Variants in NDP observed in about 807,000 individuals in gnomAD.
The protein encoded by NDP is norrin cystine knot growth factor NDP, also known as norrin.
Under a neutral mutation model 8.4 loss-of-function variants are expected in NDP, and 2 were observed. The ratio of observed to expected loss-of-function variants is 0.24; its 90% CI spans 0.10 to 0.75. The LOEUF is 0.75. NDP is among the 30% of genes least tolerant of loss of function. The pLI is 0.73. For synonymous variants in NDP, 55 were observed against 45.6 expected, an observed-to-expected ratio of 1.21 and a Z score of -0.83; for missense variants, 81 against 110.1, an observed-to-expected ratio of 0.74 and a Z score of 1.18.
In NDP at chrX:43,958,642, T is replaced by C; in HGVS notation, c.4A>G (p.Arg2Gly). The change falls in exon 2 of 3, where the codon AGA (arginine) becomes GGA (glycine). Residue 2 changes from arginine to glycine, a missense_variant. Arg to Gly is a moderately radical substitution (Grantham distance 125). Coordinates refer to ENST00000642620, the MANE Select transcript of NDP (RefSeq NM_000266.4). M[R>G]KHVLAASFSM... is the part of the protein sequence containing the mutation. ...AAGGATGCAGCTAGTACATGTTTTC[T>C]CATTGTTGTAAGGAAAAACTTCTCT... is the stretch of plus-strand genomic sequence containing the variant. 1 of 1,210,740 alleles carries C rather than the reference T, an allele frequency of 8.3e-7. No homozygotes were observed. Among genetic ancestry groups the C allele is most frequent in the Non-Finnish European group, 1.1e-6 (1 of 894,581 alleles).
chrX:43,972,470 G>A (rs2035896061), intron 1 of NDP, among the ~76,000 whole-genome samples: 1 of 111,491 alleles, frequency 9.0e-6, no homozygotes, highest in Non-Finnish European at 1.9e-5. Flanking sequence ...TATCCCGCAG[G>A]TAGGAGTCAT....
Position 43,959,918 on chromosome X carries a change from C to T in NDP, c.-207-1066G>A, listed in dbSNP as rs2035817062. Among the ~76,000 whole-genome samples the T allele has an allele frequency of 4.4e-5, 5 of 112,670 alleles. No homozygotes were observed. The South Asian group carries it at 1.1e-3, about 24-fold the overall frequency. On this transcript the variant is annotated intron_variant, in intron 1 of 2. Coordinates refer to ENST00000642620, the MANE Select transcript of NDP (RefSeq NM_000266.4). ...TGTTCATAGGCAACATTTTCCTTAA[C>T]TTCCTACTCATGAACAGTCTGAATA...
In NDP at chrX:43,957,688, AC is replaced by A. The variant is rs1166896516; in HGVS notation, c.174+783del. 3.7e-5 allele frequency among the ~76,000 whole-genome samples: 4 copies of A among 108,625 alleles called. No homozygotes were observed. In the South Asian group the frequency reaches 1.2e-3, roughly 33 times the overall value. 94.3% of individuals were successfully genotyped at this position (108,625 alleles called of 115,157 possible). The stretch of plus-strand genomic sequence containing the variant: ...ATGTTTAAGTGATTTTCATCTCAAA[AC>A]TAAATGTAAAAATCTCTGAGGTTGG... On this transcript the variant is annotated intron_variant, in intron 2 of 2. Transcript: ENST00000642620.
chrX:43,964,074 G>A (rs1343616251), intron 1 of NDP, among the ~76,000 whole-genome samples: 1 of 111,819 alleles, frequency 8.9e-6, no homozygotes, highest in South Asian at 3.7e-4. Context: ...CCAGTGCAGG[G>A]GTGGTGGGGG....
At chrX:43,951,310 G>A (rs1346794852) in intron 2 of NDP, among the ~76,000 whole-genome samples, 2 of 110,310 alleles carry the variant, frequency 1.8e-5, no homozygotes, top group African/African-American at 3.3e-5. Flanking sequence ...AGCTACTTTG[G>A]CAGCTGAGGC....
At chrX:43,969,157 C>CAGAA (rs751138929) in intron 1 of NDP, among the ~76,000 whole-genome samples, 3,622 of 111,454 alleles carry the variant, frequency 0.032, 186 homozygotes, top group African/African-American at 0.11. Flanking sequence ...TCTTAAGAGA[C>CAGAA]AGAAAGAAAG....
At chrX:43,965,224 G>A (rs756228489) in intron 1 of NDP, among the ~76,000 whole-genome samples, 31 of 110,972 alleles carry the variant, frequency 2.8e-4, no homozygotes, top group African/African-American at 1.0e-3. Flanking sequence ...AGATCATCCT[G>A]GGTAACACAG....
intron 2 of NDP, among the ~76,000 whole-genome samples, chrX:43,951,949 G>T (rs1021522129): frequency 8.9e-6 from 1 of 112,158 alleles, no homozygotes; most frequent in African/African-American, 3.2e-5. Context: ...ATTTTGACAG[G>T]CAAAGTAAAC....
chrX:43,951,917 G>C (rs1238253452), intron 2 of NDP, among the ~76,000 whole-genome samples: 1 of 112,439 alleles, frequency 8.9e-6, no homozygotes, highest in East Asian at 2.8e-4. Context: ...TAAAGCTTTT[G>C]ATTCTATCCT....
intron 1 of NDP, among the ~76,000 whole-genome samples, chrX:43,963,387 T>C: frequency 9.0e-6 from 1 of 111,656 alleles, no homozygotes; most frequent in Non-Finnish European, 1.9e-5. Flanking sequence ...ATCTAATTTG[T>C]ATCCAGTATT....
intron 2 of NDP, among the ~76,000 whole-genome samples, chrX:43,957,150 G>C (rs1244193165): frequency 1.8e-5 from 2 of 111,863 alleles, no homozygotes; most frequent in Admixed American, 9.5e-5. Flanking sequence ...TATTCATGCT[G>C]TCTGTTTCTG....
chrX:43,971,022 G>A (rs2035888473), intron 1 of NDP, among the ~76,000 whole-genome samples: 1 of 112,037 alleles, frequency 8.9e-6, no homozygotes, highest in Non-Finnish European at 1.9e-5. Flanking sequence ...TGATGAGTGA[G>A]AATCATTTCA....
Position 43,950,042 on chromosome X carries a change from G to A in NDP, c.175-16C>T. 5 of 1,172,787 alleles carry A rather than the reference G, an allele frequency of 4.3e-6. No individual in the cohort carries two copies. The highest frequency in any genetic ancestry group is 5.8e-6 in the Non-Finnish European group (5 of 869,529). ...GGAGCACCATCTGGGGAAAGAAAAG[G>A]AGGTGGTTACTCTGTGGGCATGCCA... is the stretch of plus-strand genomic sequence containing the variant. On this transcript the variant is annotated splice_polypyrimidine_tract_variant and intron_variant, in intron 2 of 2. Coordinates refer to ENST00000642620, the MANE Select transcript of NDP (RefSeq NM_000266.4).
At position 43,948,857 on chromosome X, in the gene NDP, A is replaced by C. The variant is rs1217166778; in HGVS notation, c.*942T>G. ...CAGGACCAAAACACATTTGAACCAA[A>C]CGTTCAGAAGACAAGCCAGGCCACC... On this transcript the variant is annotated 3_prime_UTR_variant, in exon 3 of 3. Coordinates refer to ENST00000642620, the MANE Select transcript of NDP (RefSeq NM_000266.4). 1.8e-5 allele frequency: 2 copies of C among 112,123 alleles called. No homozygotes were observed. The highest frequency in any genetic ancestry group is 6.5e-5 in the African/African-American group (2 of 30,840). The allele number at this position is 112,123 out of a possible 1,213,427, so 9.2% of individuals were successfully genotyped here. A position where few individuals can be genotyped will look rare whatever the true frequency, so the allele number is the denominator to read the frequency against.
chrX:43,950,772 G>A (rs1437787335), intron 2 of NDP, among the ~76,000 whole-genome samples: 1 of 111,904 alleles, frequency 8.9e-6, no homozygotes, highest in Non-Finnish European at 1.9e-5. Context: ...CTGGAATAAC[G>A]GAGGCTATGT....
chrX:43,967,160 CTA>C (rs1261493976), intron 1 of NDP, among the ~76,000 whole-genome samples: 1 of 111,201 alleles, frequency 9.0e-6, no homozygotes, highest in African/African-American at 3.3e-5. Context: ...GCAGCTATGT[CTA>C]TGTCTTTTGA....
rs1357577191 is a variant in NDP, at chrX:43,950,212, C to A, written c.175-186G>T. 3.3e-5 allele frequency: 15 copies of A among 457,183 alleles called. No homozygotes were observed. In the African/African-American group the frequency reaches 3.7e-4, roughly 11 times the overall value. The allele number at this position is 457,183 out of a possible 1,213,427, so 37.7% of individuals were successfully genotyped here. On this transcript the variant is annotated intron_variant, in intron 2 of 2. Transcript: ENST00000642620. ...TCATTCAGATCGATTGAATTAAAAT[C>A]CTTGGAGATAGGGACCAGGCTTTCA... is the stretch of plus-strand genomic sequence containing the variant.
At chrX:43,953,252 T>G (rs2035773014) in intron 2 of NDP, 1 of 111,947 alleles carries the variant, frequency 8.9e-6, no homozygotes, top group African/African-American at 3.3e-5. Context: ...GGAATAACCA[T>G]CTGCTCTCCT....
At chrX:43,970,440 G>A (rs2035885219) in intron 1 of NDP, among the ~76,000 whole-genome samples, 1 of 112,128 alleles carries the variant, frequency 8.9e-6, no homozygotes. Context: ...GGGAGTCAGA[G>A]GCATTTTAAT....
Sources: allele counts gnomAD v4.1 joint callset (sites outside exome capture counted in the v4.1 genomes callset), GRCh38; gene constraint gnomAD v4.1.1; transcripts MANE v1.5; gene names NCBI Gene and HGNC (gene_info 2026-07-23, HGNC 2026-07-21).